Variants in GABPB1 observed in about 807,000 individuals in gnomAD.
GABPB1 encodes GA-binding protein subunit beta-1.
In GABPB1, 15 loss-of-function variants were observed where a neutral mutation model predicts 45.9. The observed-to-expected ratio is 0.33, with a 90% CI of 0.22 to 0.50. The LOEUF (loss-of-function observed/expected upper bound fraction) is 0.50, where lower values mean the gene tolerates loss of function less well. Among genes scored for constraint, GABPB1 ranks in the 20% least tolerant of loss-of-function variants. GABPB1 has a pLI of 0.98. For synonymous variants in GABPB1, 143 were observed against 154.4 expected (o/e 0.93, Z 0.55); for missense variants, 252 against 457.5 (o/e 0.55, Z 4.10).
At chr15:50,287,214 GT>G (rs1465559592) in intron 7 of GABPB1, among the ~76,000 whole-genome samples, 3 of 152,050 alleles carry the variant, frequency 2.0e-5, no homozygotes, top group South Asian at 2.1e-4. Flanking sequence ...GGCTTTAGAA[GT>G]TTTTTTTAAA....
chr15:50,344,500 T>C (rs780919098), intron 1 of GABPB1, among the ~76,000 whole-genome samples: 3 of 152,000 alleles, frequency 2.0e-5, no homozygotes, highest in Non-Finnish European at 4.4e-5. Context: ...AAATCTAAAG[T>C]TTAAAGGAAG....
chr15:50,308,085 C>A (rs1024441097), intron 2 of GABPB1, among the ~76,000 whole-genome samples: 7 of 151,826 alleles, frequency 4.6e-5, no homozygotes, highest in Non-Finnish European at 1.0e-4. Flanking sequence ...TATCTCAAGT[C>A]CTTATAGGTC....
chr15:50,283,588 G>A (rs2046062198), intron 8 of GABPB1, among the ~76,000 whole-genome samples: 1 of 150,908 alleles, frequency 6.6e-6, no homozygotes, highest in East Asian at 1.9e-4. Context: ...TCGGCTCACT[G>A]CAACCTCCAT....
At chr15:50,292,239 G>A (rs561584249) in intron 6 of GABPB1, among the ~76,000 whole-genome samples, 7 of 149,306 alleles carry the variant, frequency 4.7e-5, no homozygotes, top group East Asian at 4.0e-4. Flanking sequence ...GTGTGAACCC[G>A]GGAGGCGGAG....
At chr15:50,345,185 G>A (rs1343452155) in intron 1 of GABPB1, among the ~76,000 whole-genome samples, 3 of 152,042 alleles carry the variant, frequency 2.0e-5, no homozygotes, top group South Asian at 2.1e-4. Flanking sequence ...TAACACAAAC[G>A]GCAAGGAGAG....
At chr15:50,352,194 C>T (rs138788159) in intron 1 of GABPB1, 9 of 152,050 alleles carry the variant, frequency 5.9e-5, no homozygotes, top group Admixed American at 2.6e-4. Flanking sequence ...TTCCTCATGA[C>T]GTGCACTTTA....
intron 1 of GABPB1, among the ~76,000 whole-genome samples, chr15:50,346,057 T>A (rs2048566553): frequency 6.6e-6 from 1 of 151,966 alleles, no homozygotes; most frequent in Admixed American, 6.6e-5. Flanking sequence ...ACATTGCAAA[T>A]AACAATCAAA....
chr15:50,291,755 A>G (rs2046349489), intron 6 of GABPB1, among the ~76,000 whole-genome samples: 1 of 151,976 alleles, frequency 6.6e-6, no homozygotes, highest in Non-Finnish European at 1.5e-5. Flanking sequence ...AACTGTCTAC[A>G]AAAAATTTAA....
chr15:50,315,411 C>T (rs908585873), intron 1 of GABPB1, among the ~76,000 whole-genome samples: 2 of 152,178 alleles, frequency 1.3e-5, no homozygotes, highest in African/African-American at 4.8e-5. Context: ...GGACTATAGG[C>T]ATGAGCCACT....
chr15:50,331,914 G>T (rs750560140), intron 1 of GABPB1, among the ~76,000 whole-genome samples: 2 of 149,230 alleles, frequency 1.3e-5, no homozygotes, highest in Non-Finnish European at 3.0e-5. Context: ...TCGCTCTGTC[G>T]CCCAGGCTGG....
At chr15:50,297,836 C>CA (rs1170035086) in intron 6 of GABPB1, among the ~76,000 whole-genome samples, 1 of 151,636 alleles carries the variant, frequency 6.6e-6, no homozygotes, top group East Asian at 1.9e-4. Context: ...ACCCTGTCTC[C>CA]AAAAAAAGAT....
intron 8 of GABPB1, among the ~76,000 whole-genome samples, chr15:50,285,271 T>G (rs28653004): frequency 1.2e-3 from 188 of 152,242 alleles, no homozygotes; most frequent in African/African-American, 4.3e-3. Flanking sequence ...AAATTCCAGT[T>G]TGGGACACAA....
At chr15:50,351,045 C>A (rs2048800727) in intron 1 of GABPB1, 2 of 152,196 alleles carry the variant, frequency 1.3e-5, no homozygotes, top group African/African-American at 4.8e-5. Context: ...TAGGTGTCTA[C>A]CACCTTGGAA....
At chr15:50,287,247 G>T (rs7173127) in intron 7 of GABPB1, among the ~76,000 whole-genome samples, 74,026 of 151,888 alleles carry the variant, frequency 0.49, 19,177 homozygotes, top group Middle Eastern at 0.65. Context: ...ACTTTCTCAT[G>T]GTTATTCTTT....
chr15:50,317,769 C>T lies in GABPB1; in HGVS notation c.1-7971G>A, dbSNP rs185008801. Among the ~76,000 whole-genome samples the T allele has an allele frequency of 1.0e-3, 153 of 151,912 alleles. 2 individuals carry two copies. Among genetic ancestry groups the T allele is most frequent in the Admixed American group, 7.6e-3 (116 of 15,260 alleles). On this transcript the variant is annotated intron_variant, in intron 1 of 8. Transcript: ENST00000380877. ...CTGAAAATACAAAAAATTAGCTGAG[C>T]GTGGTGATGGGTGCCTGCAGTCCCA... is the stretch of plus-strand genomic sequence containing the variant.
At chr15:50,295,241 A>G (rs1233074087) in intron 6 of GABPB1, among the ~76,000 whole-genome samples, 1 of 152,176 alleles carries the variant, frequency 6.6e-6, no homozygotes, top group Non-Finnish European at 1.5e-5. Context: ...ACTCCCTTCC[A>G]AAGCATTCTT....
At chr15:50,296,114 T>A (rs1004125266) in intron 6 of GABPB1, among the ~76,000 whole-genome samples, 1 of 152,190 alleles carries the variant, frequency 6.6e-6, no homozygotes, top group Non-Finnish European at 1.5e-5. Context: ...CACAATTGCC[T>A]TCTCTTTATA....
intron 4 of GABPB1, among the ~76,000 whole-genome samples, chr15:50,302,440 C>T (rs2046784967): frequency 6.6e-6 from 1 of 151,826 alleles, no homozygotes; most frequent in African/African-American, 2.4e-5. Context: ...CTCAAGAGTT[C>T]AACACCAGCC....
intron 1 of GABPB1, among the ~76,000 whole-genome samples, chr15:50,314,186 T>TA (rs2047228659): frequency 8.7e-6 from 1 of 114,468 alleles, no homozygotes; most frequent in South Asian, 2.7e-4. Flanking sequence ...TTTATTTATT[T>TA]ATTTATTTAT....
Sources: gnomAD v4.1 joint callset for allele counts (sites outside exome capture counted in the v4.1 genomes callset) on GRCh38, gnomAD v4.1.1 for gene constraint, MANE v1.5 for transcripts, NCBI Gene and HGNC (gene_info 2026-07-23, HGNC 2026-07-21) for gene names.